GRIP1: variants seen among roughly 807,000 people sequenced by gnomAD.
The protein encoded by GRIP1 is glutamate receptor-interacting protein 1.
GRIP1 carries 45 observed loss-of-function variants against 129.9 expected under a neutral mutation model. The observed-to-expected ratio is 0.35, with a 90% CI of 0.27 to 0.44. The LOEUF is 0.44. Among genes scored for constraint, GRIP1 ranks in the 20% least tolerant of loss-of-function variants. The pLI is 1.00. For synonymous variants in GRIP1, 530 were observed against 520.8 expected, an observed-to-expected ratio of 1.02 and a Z score of -0.24; for missense variants, 1,196 against 1,396.8, an observed-to-expected ratio of 0.86 and a Z score of 2.29.
intron 2 of GRIP1, among the ~76,000 whole-genome samples, chr12:66,577,127 G>A (rs1191525813): frequency 2.0e-5 from 3 of 152,158 alleles, no homozygotes; most frequent in African/African-American, 2.4e-5. Flanking sequence ...AGAACCGGAG[G>A]AAGGAACATA....
intron 1 of GRIP1, among the ~76,000 whole-genome samples, chr12:66,723,222 C>T (rs1353329345): frequency 2.1e-5 from 1 of 47,992 alleles, no homozygotes; most frequent in African/African-American, 1.1e-4. Context: ...TTCTTTCTTT[C>T]TTTCTCTCTC....
rs765879233 is a variant in GRIP1 at position 66,529,881 on chromosome 12, A to G, written c.452T>C (p.Val151Ala). 38 of 1,605,750 alleles carry G rather than the reference A, an allele frequency of 2.4e-5. No individual in the cohort carries two copies. Among genetic ancestry groups the G allele is most frequent in the Admixed American group, 3.3e-5 (2 of 59,982 alleles). Residue 151 changes from valine to alanine, a missense_variant, in exon 5 of 25, where the codon GTG becomes GCG. Transcript: ENST00000359742. Reference protein sequence around the residue: ...VQGSSVIFRTVEVTLHKEGNT... With the variant: ...VQGSSVIFRTAEVTLHKEGNT... ...GCCTTCTTTATGTAATGTGACCTCC[A>G]CTGTTCGGAAAATAACACTTGATCC...
chr12:66,591,784 C>A (rs142244759), intron 2 of GRIP1, among the ~76,000 whole-genome samples: 5 of 152,134 alleles, frequency 3.3e-5, no homozygotes, highest in Non-Finnish European at 5.9e-5. Context: ...TGCATGCCAC[C>A]ATCCCCAGCT....
chr12:67,020,815 C>T (rs754122793), intron 1 of GRIP1, among the ~76,000 whole-genome samples: 3 of 152,064 alleles, frequency 2.0e-5, no homozygotes, highest in Non-Finnish European at 2.9e-5. Context: ...AATATATAAT[C>T]TGGGCCCAGT....
chr12:66,790,565 G>A (rs1183840748), intron 1 of GRIP1, among the ~76,000 whole-genome samples: 3 of 152,088 alleles, frequency 2.0e-5, no homozygotes, highest in Non-Finnish European at 4.4e-5. Flanking sequence ...GAAGTATAAA[G>A]TAGATGAAAT....
chr12:66,432,790 T>C (rs2058188895), intron 13 of GRIP1, among the ~76,000 whole-genome samples, 162 bp from the exon 14 acceptor site: 1 of 152,180 alleles, frequency 6.6e-6, no homozygotes, highest in Non-Finnish European at 1.5e-5. Context: ...ATTAAGCTCC[T>C]GGTGATGAAT....
At chr12:66,463,851 C>G (rs1391810103) in intron 8 of GRIP1, among the ~76,000 whole-genome samples, 1 of 152,162 alleles carries the variant, frequency 6.6e-6, no homozygotes, top group African/African-American at 2.4e-5. Flanking sequence ...GTCAAGTGAA[C>G]AGCTCCTTAA....
chr12:66,544,891 G>A (rs1307873725), intron 2 of GRIP1, among the ~76,000 whole-genome samples: 1 of 152,120 alleles, frequency 6.6e-6, no homozygotes. Flanking sequence ...AAGAAATGAA[G>A]ACAGATGCAT....
intron 1 of GRIP1, among the ~76,000 whole-genome samples, chr12:66,959,789 A>G (rs571909140): frequency 2.6e-5 from 4 of 152,128 alleles, no homozygotes; most frequent in Non-Finnish European, 4.4e-5. Flanking sequence ...CAAATACATG[A>G]TCATTTTTAG....
chr12:66,478,699 T>C (rs890223099), intron 7 of GRIP1, among the ~76,000 whole-genome samples: 22 of 151,578 alleles, frequency 1.5e-4, no homozygotes, highest in Admixed American at 1.3e-3. Flanking sequence ...TATGCAGCCA[T>C]AAAAAAAAGA....
At chr12:66,814,514 T>C (rs2039167049) in intron 1 of GRIP1, among the ~76,000 whole-genome samples, 1 of 151,666 alleles carries the variant, frequency 6.6e-6, no homozygotes, top group Non-Finnish European at 1.5e-5. Context: ...CATATATTTG[T>C]CCCTTTATTA....
intron 1 of GRIP1, among the ~76,000 whole-genome samples, chr12:66,755,745 A>G (rs1476865549): frequency 1.3e-5 from 2 of 152,242 alleles, no homozygotes; most frequent in Non-Finnish European, 2.9e-5. Context: ...GGAGAGGCCA[A>G]TGCAACCTGG....
At chr12:67,008,619 G>C (rs1032156898) in intron 1 of GRIP1, among the ~76,000 whole-genome samples, 1 of 152,092 alleles carries the variant, frequency 6.6e-6, no homozygotes, top group Non-Finnish European at 1.5e-5. Flanking sequence ...ATGTGACCTT[G>C]AGCAAGTTAC....
At chr12:66,530,358 A>G (rs1222178057) in intron 4 of GRIP1, among the ~76,000 whole-genome samples, 4 of 152,214 alleles carry the variant, frequency 2.6e-5, no homozygotes, top group Non-Finnish European at 5.9e-5. Context: ...TATCATTCTC[A>G]GATTGCTATC....
chr12:66,582,960 G>A (rs1478472134), intron 2 of GRIP1, among the ~76,000 whole-genome samples: 6 of 151,014 alleles, frequency 4.0e-5, no homozygotes, highest in African/African-American at 1.5e-4. Flanking sequence ...TCAATCCTAA[G>A]CCAAAAGAAC....
Position 66,871,137 on chromosome 12 carries a change from T to C in GRIP1, c.58+197913A>G, listed in dbSNP as rs558426731. On this transcript the variant is annotated intron_variant, in intron 1 of 1. Transcript: ENST00000643019. Reference sequence around the variant, plus strand: ...TGGAACCCTGCTATTAGAATTGGTGTAGGTTGGGAAGAGGGGTCTTCTGGC... The same window carrying C: ...TGGAACCCTGCTATTAGAATTGGTGCAGGTTGGGAAGAGGGGTCTTCTGGC... Among the ~76,000 whole-genome samples, 37 of 142,322 alleles carry C rather than the reference T, an allele frequency of 2.6e-4. No homozygotes were observed. The East Asian group carries it at 8.1e-3, about 31-fold the overall frequency. 93.4% of individuals were successfully genotyped at this position (142,322 alleles called of 152,430 possible). A position where few individuals can be genotyped will look rare whatever the true frequency, so the allele number is the denominator to read the frequency against.
chr12:66,818,722 T>A (rs2136977178), intron 1 of GRIP1, among the ~76,000 whole-genome samples: 1 of 152,338 alleles, frequency 6.6e-6, no homozygotes, highest in South Asian at 2.1e-4. Flanking sequence ...TGCATGTGTG[T>A]GGTGGCAAAG....
chr12:66,715,608 A>C (rs1234851036), intron 1 of GRIP1, among the ~76,000 whole-genome samples: 1 of 151,968 alleles, frequency 6.6e-6, no homozygotes, highest in Non-Finnish European at 1.5e-5. Flanking sequence ...TGGCATAAGG[A>C]AGATGGCCAG....
At chr12:66,642,906 C>T (rs1167901301) in intron 1 of GRIP1, among the ~76,000 whole-genome samples, 1 of 152,090 alleles carries the variant, frequency 6.6e-6, no homozygotes, top group African/African-American at 2.4e-5. Flanking sequence ...CAGGTTATTA[C>T]AAGGGAGGCA....
Sources: gnomAD v4.1 joint callset for allele counts (sites outside exome capture counted in the v4.1 genomes callset) on GRCh38, gnomAD v4.1.1 for gene constraint, MANE v1.5 for transcripts, NCBI Gene and HGNC (gene_info 2026-07-23, HGNC 2026-07-21) for gene names.